The following IFTAP variants were observed in gnomAD, a reference collection of about 807,000 sequenced individuals.
IFTAP encodes intraflagellar transport associated protein, also known as intraflagellar transport-associated protein.
Under a neutral mutation model 19.4 loss-of-function variants are expected in IFTAP, and 19 were observed. The observed-to-expected ratio is 0.98, with a 90% CI of 0.68 to 1.44. The LOEUF (loss-of-function observed/expected upper bound fraction) is 1.44. Ranked by LOEUF, IFTAP falls within the 40% of genes most tolerant of loss-of-function variation. IFTAP has a pLI of 0.00. For synonymous variants in IFTAP, 85 were observed against 83.5 expected (o/e 1.02, Z -0.10); for missense variants, 240 against 253.6 (o/e 0.95, Z 0.36).
intron 2 of IFTAP, among the ~76,000 whole-genome samples, chr11:36,616,159 T>A (rs1335492285): frequency 6.6e-6 from 1 of 151,974 alleles, no homozygotes; most frequent in African/African-American, 2.4e-5. Flanking sequence ...TTTCTCTCTC[T>A]CACATGCCTA....
In IFTAP at chr11:36,633,252, G is replaced by A. The variant is rs764315041; in HGVS notation, c.137-32G>A. 6.3e-6 allele frequency: 9 copies of A among 1,436,560 alleles called. No individual in the cohort carries two copies. The East Asian group carries it at 2.0e-4, about 33-fold the overall frequency. 89.0% of individuals were successfully genotyped at this position (1,436,560 alleles called of 1,614,324 possible). ...ATAAACCAGACTTGGTATTGTGGAT[G>A]TTTTCTAATAGTGCATAACTTCTTA... On this transcript the variant is annotated intron_variant, in intron 2 of 5. Coordinates refer to ENST00000334307, the MANE Select transcript of IFTAP (RefSeq NM_138787.4).
At chr11:36,650,890 A>C (rs187947221) in intron 5 of IFTAP, among the ~76,000 whole-genome samples, 494 of 152,124 alleles carry the variant, frequency 3.2e-3, no homozygotes, top group African/African-American at 0.01. Context: ...TGAACTCATC[A>C]TTTTTTATGG....
chr11:36,654,237 T>A (rs1307478039), intron 5 of IFTAP, among the ~76,000 whole-genome samples: 2 of 152,278 alleles, frequency 1.3e-5, no homozygotes, highest in East Asian at 3.9e-4. Context: ...TTTTAATGGA[T>A]CTCTCTACCG....
chr11:36,643,857 T>A (rs1294768446), intron 4 of IFTAP, among the ~76,000 whole-genome samples: 1 of 152,154 alleles, frequency 6.6e-6, no homozygotes, highest in Non-Finnish European at 1.5e-5. Flanking sequence ...TCAAGATGGA[T>A]TAAAGACTTA....
chr11:36,627,818 C>T (rs1424140136), intron 2 of IFTAP, among the ~76,000 whole-genome samples: 1 of 150,886 alleles, frequency 6.6e-6, no homozygotes, highest in African/African-American at 2.5e-5. Flanking sequence ...GCTGTATTTG[C>T]ACCCACCATC....
At chr11:36,658,913 G>C in intron 5 of IFTAP, 106 bp from the exon 6 acceptor site, 2 of 809,404 alleles carry the variant, frequency 2.5e-6, no homozygotes, top group Non-Finnish European at 3.6e-6. Context: ...GAGTGCTGAA[G>C]TCTGAAAAAA....
At position 36,619,835 on chromosome 11, in the gene IFTAP, G is replaced by A. The variant is rs747325746; in HGVS notation, c.136+9596G>A. Among the ~76,000 whole-genome samples the A allele has an allele frequency of 1.6e-4, 25 of 151,944 alleles. 1 individual carries two copies. The highest frequency in any genetic ancestry group is 2.5e-4 in the Non-Finnish European group (17 of 67,898). On this transcript the variant is annotated intron_variant, in intron 2 of 5. Transcript: ENST00000334307. ...AGTGCCTTTCTGTTTCCTTTTTAAC[G>A]TTAGCCACATTAAGAAAAAAAAGGC...
chr11:36,645,698 C>T (rs950398019), intron 4 of IFTAP, among the ~76,000 whole-genome samples: 2 of 151,906 alleles, frequency 1.3e-5, no homozygotes, highest in African/African-American at 4.8e-5. Flanking sequence ...ATTGTTTTTG[C>T]CCTTTTATAA....
chr11:36,598,932 A>G (rs1851398588), intron 1 of IFTAP, among the ~76,000 whole-genome samples: 1 of 152,218 alleles, frequency 6.6e-6, no homozygotes, highest in Non-Finnish European at 1.5e-5. Context: ...CAAAGTGTTC[A>G]GCCAAGGAAG....
At chr11:36,599,595 T>C (rs1188305303) in intron 1 of IFTAP, among the ~76,000 whole-genome samples, 1 of 152,222 alleles carries the variant, frequency 6.6e-6, no homozygotes, top group East Asian at 1.9e-4. Flanking sequence ...TATATTTGCA[T>C]AAGTGACTAA....
In IFTAP at chr11:36,632,299, G is replaced by T. The variant is rs576183248; in HGVS notation, c.137-985G>T. Among the ~76,000 whole-genome samples the T allele has an allele frequency of 5.3e-5, 8 of 151,106 alleles. No homozygotes were observed. In the East Asian group the frequency reaches 1.5e-3, roughly 29 times the overall value. ...TATTATTACTAATATTAAAAATAATGTTATGGCTTAAACTATTACCTCAGT... is the reference window on the plus strand; with the variant it reads ...TATTATTACTAATATTAAAAATAATTTTATGGCTTAAACTATTACCTCAGT... On this transcript the variant is annotated intron_variant, in intron 2 of 5. Coordinates refer to ENST00000334307, the MANE Select transcript of IFTAP (RefSeq NM_138787.4).
rs148201098 is a variant in IFTAP at position 36,623,539 on chromosome 11, A to G, written c.137-9745A>G. 3.0e-3 allele frequency among the ~76,000 whole-genome samples: 453 copies of G among 152,280 alleles called. 5 individuals carry two copies. Among genetic ancestry groups the G allele is most frequent in the African/African-American group, 0.01 (428 of 41,556 alleles). On this transcript the variant is annotated intron_variant, in intron 2 of 5. Transcript: ENST00000334307. ...CAGAGGCTAGGATATTATAGCTTAC[A>G]GAATTTTAGGGTGGGCTTTAGTTTG...
At chr11:36,629,283 CT>C (rs1852640540) in intron 2 of IFTAP, among the ~76,000 whole-genome samples, 1 of 151,330 alleles carries the variant, frequency 6.6e-6, no homozygotes, top group South Asian at 2.1e-4. Flanking sequence ...TGCTTATCCC[CT>C]ATTCTCTTTG....
chr11:36,635,669 C>T (rs1852917774), intron 3 of IFTAP, among the ~76,000 whole-genome samples: 1 of 152,120 alleles, frequency 6.6e-6, no homozygotes, highest in South Asian at 2.1e-4. Context: ...CCACCATTTG[C>T]TTGACAGGCA....
chr11:36,651,511 A>G (rs1853726291), intron 5 of IFTAP, among the ~76,000 whole-genome samples: 1 of 152,066 alleles, frequency 6.6e-6, no homozygotes, highest in African/African-American at 2.4e-5. Context: ...TTGCCTGTTC[A>G]CTCTGAGGGT....
intron 5 of IFTAP, among the ~76,000 whole-genome samples, chr11:36,650,138 A>G (rs1222253499): frequency 2.6e-5 from 4 of 152,172 alleles, no homozygotes. Flanking sequence ...CATTCATCTT[A>G]AAGCACCCAG....
chr11:36,651,902 T>A (rs1052974594), intron 5 of IFTAP, among the ~76,000 whole-genome samples: 10 of 152,090 alleles, frequency 6.6e-5, no homozygotes, highest in African/African-American at 1.7e-4. Context: ...GTTCTGTTCC[T>A]TTGGTCTATA....
intron 2 of IFTAP, among the ~76,000 whole-genome samples, chr11:36,614,139 A>T (rs867540439): frequency 6.7e-6 from 1 of 148,800 alleles, no homozygotes; most frequent in Non-Finnish European, 1.5e-5. Context: ...TCATTGTTCA[A>T]TTCCCACCTA....
In IFTAP at chr11:36,659,006, T is replaced by C; in HGVS notation, c.499-13T>C. The C allele has an allele frequency of 6.5e-7, 1 of 1,545,750 alleles. No homozygotes were observed. The highest frequency in any genetic ancestry group is 8.8e-7 in the Non-Finnish European group (1 of 1,141,376). On this transcript the variant is annotated splice_polypyrimidine_tract_variant and intron_variant, in intron 5 of 5. Transcript: ENST00000334307. The stretch of plus-strand genomic sequence containing the variant: ...ATTGTGTATGTTTTTTCCTCCTTTG[T>C]TACCTTTTATAGATACTTGGAGATG...
Sources: allele counts gnomAD v4.1 joint callset (sites outside exome capture counted in the v4.1 genomes callset), GRCh38; gene constraint gnomAD v4.1.1; transcripts MANE v1.5; gene names NCBI Gene and HGNC (gene_info 2026-07-23, HGNC 2026-07-21).